IGSF21: variants seen among roughly 807,000 people sequenced by gnomAD.
IGSF21 encodes immunoglobulin superfamily member 21.
In IGSF21, 28 loss-of-function variants were observed where a neutral mutation model predicts 46.8. The ratio of observed to expected loss-of-function variants is 0.60; its 90% CI spans 0.44 to 0.82. The LOEUF (loss-of-function observed/expected upper bound fraction) is 0.82, where lower values mean the gene tolerates loss of function less well. IGSF21 is among the 40% of genes least tolerant of loss of function. The pLI, the probability that IGSF21 is intolerant of heterozygous loss-of-function variation, is 0.00. For synonymous variants in IGSF21, 284 were observed against 273.6 expected, an observed-to-expected ratio of 1.04 and a Z score of -0.38; for missense variants, 624 against 665.5, an observed-to-expected ratio of 0.94 and a Z score of 0.69.
intron 1 of IGSF21, among the ~76,000 whole-genome samples, chr1:18,224,096 C>T (rs1361556): frequency 0.11 from 16,434 of 152,216 alleles, 996 homozygotes; most frequent in East Asian, 0.14. Context: ...TTCAAAGAGG[C>T]ACCCACTCAC....
chr1:18,259,846 G>A (rs889081855), intron 2 of IGSF21, among the ~76,000 whole-genome samples: 4 of 152,172 alleles, frequency 2.6e-5, no homozygotes, highest in African/African-American at 7.2e-5. Context: ...CCCAAGTGAA[G>A]GGCTCACCAT....
chr1:18,254,383 AC>A (rs1431580003), intron 2 of IGSF21, among the ~76,000 whole-genome samples: 1 of 151,814 alleles, frequency 6.6e-6, no homozygotes, highest in Non-Finnish European at 1.5e-5. Context: ...CCTAACCCTA[AC>A]CCTAACCTTA....
At chr1:18,269,401 G>A (rs939272626) in intron 2 of IGSF21, among the ~76,000 whole-genome samples, 1 of 152,202 alleles carries the variant, frequency 6.6e-6, no homozygotes, top group African/African-American at 2.4e-5. Context: ...GTTTGGGGAG[G>A]ACTTGTTGGA....
chr1:18,169,749 C>T (rs1040692577), intron 1 of IGSF21, among the ~76,000 whole-genome samples: 3 of 152,124 alleles, frequency 2.0e-5, no homozygotes, highest in African/African-American at 7.2e-5. Context: ...GTTTTCAAAT[C>T]ATGGAGTCCT....
At chr1:18,215,841 A>G (rs2084438968) in intron 1 of IGSF21, among the ~76,000 whole-genome samples, 1 of 152,192 alleles carries the variant, frequency 6.6e-6, no homozygotes, top group Admixed American at 6.5e-5. Flanking sequence ...CCTGGGCTAC[A>G]GCATAATCCA....
At position 18,242,349 on chromosome 1, in the gene IGSF21, G is replaced by T. The variant is rs138486478; in HGVS notation, c.183+14339G>T. On this transcript the variant is annotated intron_variant, in intron 2 of 9. Coordinates refer to ENST00000251296, the MANE Select transcript of IGSF21 (RefSeq NM_032880.5). ...ATGGTGGAAAATGTCTAGCAAAACCGTCCACGGCTGAGGCTGCTTCCAGTC... is the reference window on the plus strand; with the variant it reads ...ATGGTGGAAAATGTCTAGCAAAACCTTCCACGGCTGAGGCTGCTTCCAGTC... Among the ~76,000 whole-genome samples the T allele has an allele frequency of 9.2e-5, 14 of 152,312 alleles. No individual in the cohort carries two copies. The South Asian group carries it at 2.7e-3, about 29-fold the overall frequency.
At chr1:18,282,680 A>G (rs1236132381) in intron 2 of IGSF21, among the ~76,000 whole-genome samples, 1 of 151,606 alleles carries the variant, frequency 6.6e-6, no homozygotes, top group Non-Finnish European at 1.5e-5. Context: ...ACAAACACAC[A>G]CCCTTTCCCG....
At position 18,260,409 on chromosome 1, in the gene IGSF21, G is replaced by T. The variant is rs182057610; in HGVS notation, c.184-31457G>T. On this transcript the variant is annotated intron_variant, in intron 2 of 9. Transcript: ENST00000251296. ...GGCTTCACCAGGAAATAATTCAGAG[G>T]TAAGCCGATGGTGTTAGACAGCGAC... is the stretch of plus-strand genomic sequence containing the variant. 2.3e-4 allele frequency among the ~76,000 whole-genome samples: 35 copies of T among 152,346 alleles called. 1 individual carries two copies. The highest frequency in any genetic ancestry group is 1.2e-3 in the South Asian group (6 of 4,830).
chr1:18,193,556 G>A (rs1180281252), intron 1 of IGSF21, among the ~76,000 whole-genome samples: 1 of 152,210 alleles, frequency 6.6e-6, no homozygotes, highest in Non-Finnish European at 1.5e-5. Flanking sequence ...CAGCATGGGA[G>A]AAAGATGTAG....
At chr1:18,346,085 T>C (rs1009261204) in intron 4 of IGSF21, among the ~76,000 whole-genome samples, 2 of 152,184 alleles carry the variant, frequency 1.3e-5, no homozygotes, top group Non-Finnish European at 2.9e-5. Flanking sequence ...TGTTCTTACT[T>C]CCTACGTATT....
At chr1:18,190,937 G>T (rs143248725) in intron 1 of IGSF21, among the ~76,000 whole-genome samples, 327 of 152,260 alleles carry the variant, frequency 2.1e-3, no homozygotes, top group African/African-American at 6.5e-3. Flanking sequence ...TGGAGGAGCT[G>T]GGGGGCATCA....
chr1:18,264,943 C>A (rs977158238), intron 2 of IGSF21, among the ~76,000 whole-genome samples: 5 of 152,206 alleles, frequency 3.3e-5, no homozygotes, highest in African/African-American at 1.2e-4. Flanking sequence ...CACACCGTGC[C>A]ATCCCACAAA....
chr1:18,343,760 C>T (rs555110642), intron 4 of IGSF21, among the ~76,000 whole-genome samples: 9 of 152,276 alleles, frequency 5.9e-5, no homozygotes, highest in South Asian at 2.1e-4. Context: ...TGTGAAAGTG[C>T]GAGTTTATTT....
Position 18,365,247 on chromosome 1 carries a change from C to T in IGSF21, c.565C>T (p.Pro189Ser), listed in dbSNP as rs780005112. The T allele has an allele frequency of 6.2e-7, 1 of 1,604,812 alleles. No homozygotes were observed. Among genetic ancestry groups the T allele is most frequent in the East Asian group, 2.2e-5 (1 of 44,658 alleles). ...GGTTTATTTCAAACGAGATGGGGAA[C>T]CAATCGACGCAGTGCCCCTATCAGA... Reference protein sequence around the residue: ...PMVYFKRDGEPIDAVPLSEPP... With the variant: ...PMVYFKRDGESIDAVPLSEPP... The change falls in exon 6 of 10, where the codon CCA becomes TCA. Residue 189 changes from proline (P) to serine (S), a missense_variant. Pro to Ser is a moderately conservative substitution (Grantham distance 74). Coordinates refer to ENST00000251296, the MANE Select transcript of IGSF21 (RefSeq NM_032880.5). This position sits in a 1 kb window ranked among gnomAD's most constrained non-coding sequence, Gnocchi z 4.8.
At chr1:18,331,139 T>C (rs1207865832) in intron 3 of IGSF21, among the ~76,000 whole-genome samples, 1 of 152,242 alleles carries the variant, frequency 6.6e-6, no homozygotes, top group Non-Finnish European at 1.5e-5. Context: ...CCATAGGTTA[T>C]TGGGGAACAG....
intron 3 of IGSF21, among the ~76,000 whole-genome samples, chr1:18,292,712 G>A (rs370314627): frequency 1.5e-4 from 23 of 151,978 alleles, no homozygotes; most frequent in African/African-American, 5.3e-4. Context: ...TTCTCCCTTC[G>A]GTCATCTGGT....
chr1:18,192,069 A>G (rs1194688406), intron 1 of IGSF21, among the ~76,000 whole-genome samples: 1 of 152,184 alleles, frequency 6.6e-6, no homozygotes, highest in African/African-American at 2.4e-5. Flanking sequence ...AGATGGCAGA[A>G]GAGCCCAGCC....
chr1:18,268,581 G>A (rs533479361), intron 2 of IGSF21, among the ~76,000 whole-genome samples: 11 of 152,326 alleles, frequency 7.2e-5, no homozygotes, highest in African/African-American at 2.4e-4. Flanking sequence ...TCAGGTGCGC[G>A]GTGAAACCTG....
At chr1:18,300,074 A>G (rs764449427) in intron 3 of IGSF21, among the ~76,000 whole-genome samples, 5 of 152,320 alleles carry the variant, frequency 3.3e-5, no homozygotes, top group African/African-American at 9.6e-5. Context: ...TAATAAATAA[A>G]TATAAAATTA....
Sources: allele counts gnomAD v4.1 joint callset (sites outside exome capture counted in the v4.1 genomes callset), GRCh38; gene constraint gnomAD v4.1.1; non-coding constraint Gnocchi (gnomAD v3.1); transcripts MANE v1.5; gene names NCBI Gene and HGNC (gene_info 2026-07-23, HGNC 2026-07-21).